Variants in KMT2C observed in about 807,000 individuals in gnomAD.
KMT2C encodes lysine methyltransferase 2C.
A neutral mutation model predicts 507.9 loss-of-function variants in KMT2C; 88 were observed. That is an observed-to-expected ratio of 0.17 (90% CI 0.15 to 0.21). The LOEUF (loss-of-function observed/expected upper bound fraction) is 0.21, where lower values mean the gene tolerates loss of function less well. Among genes scored for constraint, KMT2C ranks in the 10% least tolerant of loss-of-function variants. KMT2C has a pLI of 1.00. For missense variants in KMT2C, 4,954 were observed against 5,957.8 expected (o/e 0.83, Z 5.55); for synonymous variants, 2,049 against 2,080.8 (o/e 0.98, Z 0.42).
intron 16 of KMT2C, among the ~76,000 whole-genome samples, chr7:152,231,792 A>G (rs1384302017): frequency 6.6e-6 from 1 of 151,814 alleles, no homozygotes. Flanking sequence ...AAAAAAAAAA[A>G]GAAGGAAGGA....
At position 152,138,980 on chromosome 7, in the gene KMT2C, AAGC is replaced by A; in HGVS notation, c.14535-79_14535-77del. ...TTTAAAAACTTCCCATTTATTGATA[AAGC>A]AGTTTTTGCTAATTAAATTTCTATT... is the stretch of plus-strand genomic sequence containing the variant. On this transcript the variant is annotated intron_variant, in intron 57 of 58. Coordinates refer to ENST00000262189, the MANE Select transcript of KMT2C (RefSeq NM_170606.3). The surrounding 1 kb of genome is among the most constrained non-coding windows in gnomAD (Gnocchi z 4.2). 1 of 1,195,750 alleles carries A rather than the reference AAGC, an allele frequency of 8.4e-7. No individual in the cohort carries two copies. The highest frequency in any genetic ancestry group is 2.3e-5 in the East Asian group (1 of 42,932). The allele number at this position is 1,195,750 out of a possible 1,614,324, so 74.1% of individuals were successfully genotyped here.
At chr7:152,270,097 C>CTA (rs2095934311) in intron 7 of KMT2C, among the ~76,000 whole-genome samples, 1 of 152,174 alleles carries the variant, frequency 6.6e-6, no homozygotes, top group African/African-American at 2.4e-5. Flanking sequence ...CCATCACACC[C>CTA]TATCATCTGC....
chr7:152,261,521 C>G (rs187801887), intron 9 of KMT2C, among the ~76,000 whole-genome samples: 2 of 152,036 alleles, frequency 1.3e-5, no homozygotes, highest in African/African-American at 4.8e-5. Flanking sequence ...TTTAAAAAAC[C>G]TACCTTAGTT....
At chr7:152,217,757 A>AGT (rs3839688) in intron 23 of KMT2C, among the ~76,000 whole-genome samples, 17,062 of 152,116 alleles carry the variant, frequency 0.11, 2,181 homozygotes, top group African/African-American at 0.31. Flanking sequence ...ACCATTTCTC[A>AGT]GTTTACAAGT....
intron 6 of KMT2C, among the ~76,000 whole-genome samples, chr7:152,291,828 A>C (rs1317078193): frequency 6.6e-6 from 1 of 152,256 alleles, no homozygotes; most frequent in Non-Finnish European, 1.5e-5. Flanking sequence ...TCTCGCTGAA[A>C]GGCTAATAGT....
At chr7:152,400,304 G>A (rs562717419) in intron 1 of KMT2C, among the ~76,000 whole-genome samples, 7 of 151,726 alleles carry the variant, frequency 4.6e-5, no homozygotes, top group Non-Finnish European at 7.4e-5. Context: ...GCAAGACTCC[G>A]TCTCAAAAAA....
Position 152,215,688 on chromosome 7 carries a change from T to TATATATATATACAC in KMT2C, c.3712+4834_3712+4835insGTGTATATATATAT, listed in dbSNP as rs766518165. On this transcript the variant is annotated intron_variant, in intron 23 of 58. Transcript: ENST00000262189. ...ACAAAAGGAACAAAATATATATATA[T>TATATATATATACAC]ACACACACACATACACACACAAAAT... 7.4e-5 allele frequency among the ~76,000 whole-genome samples: 10 copies of TATATATATATACAC among 134,486 alleles called. 1 individual carries two copies. The highest frequency in any genetic ancestry group is 4.9e-4 in the East Asian group (2 of 4,082). 88.2% of individuals were successfully genotyped at this position (134,486 alleles called of 152,430 possible).
At chr7:152,434,172 A>G (rs1023403818) in intron 1 of KMT2C, among the ~76,000 whole-genome samples, 17 of 152,240 alleles carry the variant, frequency 1.1e-4, no homozygotes, top group African/African-American at 4.1e-4. Flanking sequence ...AGGGCATTTT[A>G]TACTTGCCAC....
At chr7:152,154,467 C>T (rs762982146) in intron 46 of KMT2C, 22 bp from the exon 47 acceptor site, 43 of 1,606,394 alleles carry the variant, frequency 2.7e-5, no homozygotes, top group Non-Finnish European at 3.5e-5. Flanking sequence ...TAAACACACA[C>T]ATCAAAGTCT....
chr7:152,144,585 C>T lies in KMT2C; in HGVS notation c.14343+128G>A, dbSNP rs538974881. 2.6e-5 allele frequency: 24 copies of T among 916,592 alleles called. 1 individual carries two copies. The South Asian group carries it at 3.6e-4, about 14-fold the overall frequency. 56.8% of individuals were successfully genotyped at this position (916,592 alleles called of 1,614,324 possible). On this transcript the variant is annotated intron_variant, in intron 55 of 58. Coordinates refer to ENST00000262189, the MANE Select transcript of KMT2C (RefSeq NM_170606.3). This position sits in a 1 kb window ranked among gnomAD's most constrained non-coding sequence, Gnocchi z 4.4. ...TGTTACCAAGGGACAGGATTTGATA[C>T]GATTTTGAAAACACGTTTCTGTCCC...
chr7:152,137,066 A>AC, intron 58 of KMT2C, 142 bp from the exon 59 acceptor site: 1 of 643,006 alleles, frequency 1.6e-6, no homozygotes, highest in Non-Finnish European at 2.7e-6. Context: ...GTTCCATGGG[A>AC]CCCTGGGGGA....
chr7:152,159,078 G>A lies in KMT2C; in HGVS notation c.11461-6C>T, dbSNP rs2129101676. 1 of 1,613,668 alleles carries A rather than the reference G, an allele frequency of 6.2e-7. No individual in the cohort carries two copies. The highest frequency in any genetic ancestry group is 1.1e-5 in the South Asian group (1 of 91,060). On this transcript the variant is annotated splice_region_variant and splice_polypyrimidine_tract_variant and intron_variant, in intron 43 of 58. Coordinates refer to ENST00000262189, the MANE Select transcript of KMT2C (RefSeq NM_170606.3). ...ATTTGAGCCCCCAAAGTTTGCTAAT[G>A]TAATTGGAAAGGGTAAAAAATAAGT...
chr7:152,245,143 C>T (rs111463282), intron 14 of KMT2C, among the ~76,000 whole-genome samples: 8 of 149,058 alleles, frequency 5.4e-5, no homozygotes, highest in Admixed American at 1.3e-4. Context: ...CAATTATCTG[C>T]ATTAAAATGT....
intron 1 of KMT2C, among the ~76,000 whole-genome samples, chr7:152,382,409 T>C (rs1203184749): frequency 2.0e-5 from 3 of 152,104 alleles, no homozygotes; most frequent in South Asian, 2.1e-4. Flanking sequence ...TCTACCATCT[T>C]TTCAAAAACC....
intron 8 of KMT2C, 83 bp from the exon 9 acceptor site, chr7:152,263,213 TG>T: frequency 8.3e-7 from 1 of 1,203,068 alleles, no homozygotes; most frequent in Admixed American, 1.9e-5. Flanking sequence ...TAATCAGTCC[TG>T]GGAACTGCAC....
At chr7:152,240,865 A>G (rs148738628) in intron 14 of KMT2C, among the ~76,000 whole-genome samples, 2 of 152,168 alleles carry the variant, frequency 1.3e-5, no homozygotes, top group South Asian at 2.1e-4. Context: ...ACCTGCTACA[A>G]GAGTCTACTG....
At chr7:152,155,012 G>A (rs1391738615) in intron 46 of KMT2C, 1 of 152,288 alleles carries the variant, frequency 6.6e-6, no homozygotes, top group Non-Finnish European at 1.5e-5. Context: ...AACTGATAAA[G>A]TGAGGTGAGA....
At chr7:152,323,673 G>GAAGGAAAGAAAAA (rs1212866657) in intron 3 of KMT2C, among the ~76,000 whole-genome samples, 2 of 145,924 alleles carry the variant, frequency 1.4e-5, no homozygotes, top group East Asian at 2.0e-4. Context: ...AGAAAGAAAG[G>GAAGGAAAGAAAAA]AAGGAAAGAA....
At chr7:152,310,480 G>A (rs1015131290) in intron 5 of KMT2C, among the ~76,000 whole-genome samples, 1 of 152,190 alleles carries the variant, frequency 6.6e-6, no homozygotes, top group East Asian at 1.9e-4. Flanking sequence ...CATGAGAATC[G>A]CTTGAACCCA....
Sources: gnomAD v4.1 joint callset for allele counts (sites outside exome capture counted in the v4.1 genomes callset) on GRCh38, gnomAD v4.1.1 for gene constraint, Gnocchi (gnomAD v3.1) non-coding constraint, MANE v1.5 for transcripts, NCBI Gene and HGNC (gene_info 2026-07-23, HGNC 2026-07-21) for gene names.